Variants in ZNF90 observed in about 807,000 individuals in gnomAD.
ZNF90 encodes zinc finger protein HTF9.
In ZNF90, 11 loss-of-function variants were observed where a neutral mutation model predicts 12.0. The observed-to-expected ratio is 0.92, with a 90% CI of 0.58 to 1.52. The LOEUF is 1.52. Ranked by LOEUF, ZNF90 falls within the 40% of genes most tolerant of loss-of-function variation. The probability of loss-of-function intolerance (pLI) is 0.00; values close to 1 mark genes in which losing one functional copy is unlikely to be tolerated. For missense variants in ZNF90, 765 were observed against 711.5 expected, an observed-to-expected ratio of 1.08 and a Z score of -0.86; for synonymous variants, 232 against 240.1, an observed-to-expected ratio of 0.97 and a Z score of 0.31.
At chr19:20,079,956 A>C in intron 1 of ZNF90, 1 of 291,704 alleles carries the variant, frequency 3.4e-6, no homozygotes, top group East Asian at 1.0e-4. Context: ...TTTTTTTGAG[A>C]TGAAGTTTCT....
intron 1 of ZNF90, 78 bp downstream of exon 1, chr19:20,078,213 A>G: frequency 6.3e-7 from 1 of 1,583,162 alleles, no homozygotes; most frequent in African/African-American, 1.3e-5. Flanking sequence ...GGCGGGACTT[A>G]GGCCTCCCCG....
rs530663606 is a variant in ZNF90, at chr19:20,121,004, G to A, written c.*1644G>A. On this transcript the variant is annotated 3_prime_UTR_variant, in exon 4 of 4. Coordinates refer to ENST00000418063, the MANE Select transcript of ZNF90 (RefSeq NM_007138.2). The stretch of plus-strand genomic sequence containing the variant: ...TGCATGATGAAAATATAAGTGGACA[G>A]GCTGTTCGTATTTGACCTATATTAA... 2 of 152,938 alleles carry A rather than the reference G, an allele frequency of 1.3e-5. No individual in the cohort carries two copies. The highest frequency in any genetic ancestry group is 4.0e-4 in the South Asian group (2 of 4,952). The allele number at this position is 152,938 out of a possible 1,614,324, so 9.5% of individuals were successfully genotyped here.
At chr19:20,081,066 A>G (rs1405698909) in intron 1 of ZNF90, among the ~76,000 whole-genome samples, 1 of 151,114 alleles carries the variant, frequency 6.6e-6, no homozygotes, top group African/African-American at 2.4e-5. Flanking sequence ...GATGACAGAC[A>G]CCCCCCTTTT....
chr19:20,100,762 T>G (rs1247081461), intron 1 of ZNF90, among the ~76,000 whole-genome samples: 1 of 152,190 alleles, frequency 6.6e-6, no homozygotes, highest in African/African-American at 2.4e-5. Flanking sequence ...CTGGGGAAGG[T>G]GACTGCACCT....
chr19:20,099,496 TTTGTA>T (rs1555703616), intron 1 of ZNF90, among the ~76,000 whole-genome samples: 1 of 152,206 alleles, frequency 6.6e-6, no homozygotes, highest in Non-Finnish European at 1.5e-5. Flanking sequence ...AGCTCAGACT[TTTGTA>T]TGGTAATGAA....
intron 1 of ZNF90, among the ~76,000 whole-genome samples, chr19:20,079,439 A>G (rs577591282): frequency 5.9e-5 from 9 of 152,250 alleles, no homozygotes; most frequent in African/African-American, 1.9e-4. Context: ...TAAAATAAAA[A>G]CGTTAGATTT....
intron 1 of ZNF90, among the ~76,000 whole-genome samples, chr19:20,101,936 G>A (rs2088993266): frequency 1.3e-5 from 2 of 152,242 alleles, no homozygotes; most frequent in South Asian, 4.2e-4. Context: ...GTAGTCAAGG[G>A]TCTCTGAAAA....
At chr19:20,117,698 T>G in intron 3 of ZNF90, 83 bp from the exon 4 acceptor site, 1 of 1,420,044 alleles carries the variant, frequency 7.0e-7, no homozygotes, top group Non-Finnish European at 9.2e-7. Context: ...TTGCCCAAGA[T>G]GAGGTTAATT....
rs2089182588 is a variant in ZNF90 at position 20,120,041 on chromosome 19, G to C, written c.*681G>C. ...AAACCCTAGAAATAATAGAAAATTT[G>C]ACAAATCCTTTATATGGTTGCAAGA... On this transcript the variant is annotated 3_prime_UTR_variant, in exon 4 of 4. Transcript: ENST00000418063. 6.6e-6 allele frequency among the ~76,000 whole-genome samples: 1 copy of C among 152,146 alleles called. No individual in the cohort carries two copies. Among genetic ancestry groups the C allele is most frequent in the East Asian group, 1.9e-4 (1 of 5,204 alleles).
chr19:20,106,132 A>G (rs2089035709), intron 3 of ZNF90, among the ~76,000 whole-genome samples: 1 of 147,532 alleles, frequency 6.8e-6, no homozygotes, highest in African/African-American at 2.5e-5. Context: ...GCTATAGTAA[A>G]TAAGATTTTT....
At chr19:20,092,987 T>G (rs1314915037) in intron 1 of ZNF90, among the ~76,000 whole-genome samples, 1 of 151,912 alleles carries the variant, frequency 6.6e-6, no homozygotes, top group East Asian at 1.9e-4. Context: ...CCTGAAACCC[T>G]GCGGCAGCAC....
At chr19:20,116,405 T>A (rs2089137853) in intron 3 of ZNF90, among the ~76,000 whole-genome samples, 1 of 152,212 alleles carries the variant, frequency 6.6e-6, no homozygotes, top group African/African-American at 2.4e-5. Flanking sequence ...CCTGACCTCA[T>A]GTGATTTTCC....
intron 1 of ZNF90, among the ~76,000 whole-genome samples, chr19:20,086,232 CTTTTTTTT>C (rs59433953): frequency 1.2e-4 from 12 of 99,796 alleles, no homozygotes; most frequent in Non-Finnish European, 2.4e-4. Flanking sequence ...ATTTTCTTTT[CTTTTTTTT>C]TTTTTTTTTT....
At chr19:20,092,195 G>A (rs891753338) in intron 1 of ZNF90, among the ~76,000 whole-genome samples, 2 of 152,144 alleles carry the variant, frequency 1.3e-5, no homozygotes, top group African/African-American at 2.4e-5. Context: ...AAGGAGCCGG[G>A]GAGCAGAAAG....
intron 1 of ZNF90, among the ~76,000 whole-genome samples, chr19:20,101,827 C>T (rs1387958745): frequency 1.3e-5 from 2 of 152,284 alleles, no homozygotes; most frequent in Admixed American, 6.5e-5. Flanking sequence ...TCCACTTTGC[C>T]TCCTGGACTG....
chr19:20,097,396 T>A (rs1373029285), intron 1 of ZNF90, among the ~76,000 whole-genome samples: 1 of 152,188 alleles, frequency 6.6e-6, no homozygotes, highest in Non-Finnish European at 1.5e-5. Context: ...TGTCTCAGCC[T>A]ATTTATTAAT....
rs1467136924 is a variant in ZNF90, at chr19:20,119,795, A to C, written c.*435A>C. 1 of 162,260 alleles carries C rather than the reference A, an allele frequency of 6.2e-6. No homozygotes were observed. Among genetic ancestry groups the C allele is most frequent in the African/African-American group, 2.4e-5 (1 of 41,444 alleles). 10.1% of individuals were successfully genotyped at this position (162,260 alleles called of 1,614,324 possible). On this transcript the variant is annotated 3_prime_UTR_variant, in exon 4 of 4. Transcript: ENST00000418063. The stretch of plus-strand genomic sequence containing the variant: ...TTTTTGGTAGAGACAGGGTTTTGCC[A>C]TATTTAACAGGCTGGTCTCCAACTG...
At chr19:20,081,480 C>T (rs1433829901) in intron 1 of ZNF90, among the ~76,000 whole-genome samples, 1 of 152,212 alleles carries the variant, frequency 6.6e-6, no homozygotes. Flanking sequence ...AGCCATCGCA[C>T]CCAGCCAGCA....
chr19:20,106,615 A>G (rs1004360270), intron 3 of ZNF90, among the ~76,000 whole-genome samples: 40 of 152,210 alleles, frequency 2.6e-4, no homozygotes, highest in African/African-American at 8.4e-4. Flanking sequence ...CACCACGCCC[A>G]GCTAATTTTT....
Sources: allele counts gnomAD v4.1 joint callset (sites outside exome capture counted in the v4.1 genomes callset), GRCh38; gene constraint gnomAD v4.1.1; transcripts MANE v1.5; gene names NCBI Gene and HGNC (gene_info 2026-07-23, HGNC 2026-07-21).